ZCCHC14: variants seen among roughly 807,000 people sequenced by gnomAD.
ZCCHC14 encodes the protein zinc finger CCHC-type containing 14, also known as zinc finger CCHC domain-containing protein 14.
In ZCCHC14, 16 loss-of-function variants were observed where a neutral mutation model predicts 85.0. The observed-to-expected ratio is 0.19, with a 90% CI of 0.13 to 0.29. The LOEUF (loss-of-function observed/expected upper bound fraction) is 0.29. Ranked by LOEUF, ZCCHC14 falls within the 10% of genes least tolerant of loss-of-function variation. The pLI is 1.00. For missense variants in ZCCHC14, 1,303 were observed against 1,443.5 expected (o/e 0.90, Z 1.58); for synonymous variants, 775 against 630.7 (o/e 1.23, Z -3.43).
intron 2 of ZCCHC14, among the ~76,000 whole-genome samples, chr16:87,437,440 C>G (rs942205578): frequency 1.3e-5 from 2 of 151,710 alleles, no homozygotes; most frequent in Admixed American, 6.6e-5. Context: ...CCGCGCTGGC[C>G]AGAAAGCCTC....
At chr16:87,421,734 C>T (rs1888254218) in intron 4 of ZCCHC14, among the ~76,000 whole-genome samples, 1 of 152,150 alleles carries the variant, frequency 6.6e-6, no homozygotes, top group Non-Finnish European at 1.5e-5. Context: ...GCTGCCTTCA[C>T]TGGAGAGGCC....
Position 87,491,500 on chromosome 16 carries a change from C to T in ZCCHC14, c.570+169G>A, listed in dbSNP as rs543717606. Among the ~76,000 whole-genome samples the T allele has an allele frequency of 1.3e-5, 2 of 151,844 alleles. No homozygotes were observed. The highest frequency in any genetic ancestry group is 2.1e-4 in the South Asian group (1 of 4,786). ...TGCGACATAGAGGCTTAGGATGGGG[C>T]TTGGGATACGGGCTGGGGGCTCGTG... On this transcript the variant is annotated intron_variant, in intron 1 of 12. Transcript: ENST00000671377. The surrounding 1 kb of genome is among the most constrained non-coding windows in gnomAD (Gnocchi z 5.9).
At position 87,411,850 on chromosome 16, in the gene ZCCHC14, G is replaced by A. The variant is rs1219679130; in HGVS notation, c.2871C>T (p.Phe957=). 1.9e-6 allele frequency: 3 copies of A among 1,609,146 alleles called. No individual in the cohort carries two copies. Among genetic ancestry groups the A allele is most frequent in the Non-Finnish European group, 2.5e-6 (3 of 1,178,210 alleles). Residue 957 remains phenylalanine (F), a synonymous_variant, in exon 12 of 13, where the codon TTC becomes TTT. Coordinates refer to ENST00000671377, the MANE Select transcript of ZCCHC14 (RefSeq NM_015144.3). ...GACTGAAGGGCAAGAAGGGGAAGGT[G>A]AACACGGACGGACCGGAGAACGGGT... ...FQHPFSGPSV[F]TFPFLPFSPM... is the part of the protein sequence containing the mutation.
intron 2 of ZCCHC14, among the ~76,000 whole-genome samples, chr16:87,437,451 C>T (rs1304631996): frequency 1.3e-5 from 2 of 151,950 alleles, no homozygotes; most frequent in African/African-American, 2.4e-5. Context: ...AGAAAGCCTC[C>T]GTGAGGAAAG....
At chr16:87,476,846 G>T (rs1422504176) in intron 1 of ZCCHC14, among the ~76,000 whole-genome samples, 1 of 152,024 alleles carries the variant, frequency 6.6e-6, no homozygotes, top group Non-Finnish European at 1.5e-5. Flanking sequence ...TGAAGTGGTG[G>T]CCGGGCGCGG....
At chr16:87,433,486 G>A (rs1909763529) in intron 2 of ZCCHC14, among the ~76,000 whole-genome samples, 1 of 152,200 alleles carries the variant, frequency 6.6e-6, no homozygotes, top group Non-Finnish European at 1.5e-5. Flanking sequence ...TGGACCCAGT[G>A]AGAGCCCAGC....
intron 1 of ZCCHC14, among the ~76,000 whole-genome samples, chr16:87,477,127 A>AAAAAAAAT (rs1912045943): frequency 7.6e-6 from 1 of 132,286 alleles, no homozygotes; most frequent in African/African-American, 3.1e-5. Flanking sequence ...TCTCAAAAAA[A>AAAAAAAAT]AAAAAAAAAA....
In ZCCHC14 at chr16:87,407,472, A is replaced by G. The variant is rs2150716406; in HGVS notation, c.*2808T>C. Reference sequence around the variant, plus strand: ...CTGTCAGTATTACCATGAAATCAACATTAGAAAATAAGGTAGAAAACTGAG... The same window carrying G: ...CTGTCAGTATTACCATGAAATCAACGTTAGAAAATAAGGTAGAAAACTGAG... On this transcript the variant is annotated 3_prime_UTR_variant, in exon 13 of 13. Coordinates refer to ENST00000671377, the MANE Select transcript of ZCCHC14 (RefSeq NM_015144.3). 6.6e-6 allele frequency: 1 copy of G among 152,346 alleles called. No individual in the cohort carries two copies. Among genetic ancestry groups the G allele is most frequent in the East Asian group, 1.9e-4 (1 of 5,190 alleles). The allele number at this position is 152,346 out of a possible 1,614,324, so 9.4% of individuals were successfully genotyped here. A position where few individuals can be genotyped will look rare whatever the true frequency, so the allele number is the denominator to read the frequency against.
chr16:87,491,615 A>C lies in ZCCHC14; in HGVS notation c.570+54T>G. On this transcript the variant is annotated intron_variant, in intron 1 of 12. Transcript: ENST00000671377. This position sits in a 1 kb window ranked among gnomAD's most constrained non-coding sequence, Gnocchi z 5.9. The stretch of plus-strand genomic sequence containing the variant: ...GGTGCAGGCTGGAGGCTTGGAGTGC[A>C]GAGTTGGGGATGCAGACTTGGGGTA... The C allele has an allele frequency of 1.5e-6, 2 of 1,343,472 alleles. No homozygotes were observed. The highest frequency in any genetic ancestry group is 1.9e-6 in the Non-Finnish European group (2 of 1,048,322). 83.2% of individuals were successfully genotyped at this position (1,343,472 alleles called of 1,614,324 possible).
intron 2 of ZCCHC14, among the ~76,000 whole-genome samples, chr16:87,439,112 T>A (rs1597419946): frequency 6.6e-6 from 1 of 151,664 alleles, no homozygotes. Context: ...CCAAAAGGCC[T>A]GGGAGGACGA....
At position 87,411,505 on chromosome 16, in the gene ZCCHC14, C is replaced by A; in HGVS notation, c.3205+11G>T. On this transcript the variant is annotated intron_variant, in intron 12 of 12. Transcript: ENST00000671377. The stretch of plus-strand genomic sequence containing the variant: ...GGGAGCCTGGTGGGCGCGGCCATGG[C>A]GCGCGCTTACCTGGCCGGTTGAAGT... 6.2e-7 allele frequency: 1 copy of A among 1,613,054 alleles called. No individual in the cohort carries two copies. Among genetic ancestry groups the A allele is most frequent in the African/African-American group, 1.3e-5 (1 of 75,072 alleles).
At chr16:87,414,972 C>T (rs973548540) in intron 9 of ZCCHC14, among the ~76,000 whole-genome samples, 2 of 152,162 alleles carry the variant, frequency 1.3e-5, no homozygotes, top group Admixed American at 6.5e-5. Context: ...ATCCCAGGTA[C>T]TTGGGAGACT....
chr16:87,424,993 G>A (rs948787831), intron 3 of ZCCHC14, among the ~76,000 whole-genome samples: 2 of 152,068 alleles, frequency 1.3e-5, no homozygotes, highest in South Asian at 2.1e-4. Context: ...AACCACCTCT[G>A]CTCCCTCACC....
intron 2 of ZCCHC14, among the ~76,000 whole-genome samples, chr16:87,439,430 G>C (rs1293761486): frequency 6.6e-6 from 1 of 152,154 alleles, no homozygotes; most frequent in Non-Finnish European, 1.5e-5. Flanking sequence ...ACTGTGCCTG[G>C]CCACAAGTTC....
At chr16:87,428,961 G>A (rs947433626) in intron 3 of ZCCHC14, among the ~76,000 whole-genome samples, 1 of 152,228 alleles carries the variant, frequency 6.6e-6, no homozygotes, top group African/African-American at 2.4e-5. Flanking sequence ...GCCTGTGAAC[G>A]GGTGTCTTCG....
intron 1 of ZCCHC14, among the ~76,000 whole-genome samples, chr16:87,484,281 A>G (rs560816102): frequency 2.0e-5 from 3 of 152,332 alleles, no homozygotes; most frequent in African/African-American, 7.2e-5. Context: ...CTGTGGGAGA[A>G]GGGACTTTCC....
intron 2 of ZCCHC14, among the ~76,000 whole-genome samples, chr16:87,440,802 G>A (rs1164209375): frequency 2.0e-5 from 3 of 151,334 alleles, no homozygotes; most frequent in Non-Finnish European, 2.9e-5. Context: ...GTAGACACGG[G>A]GTTTCGCCAT....
intron 2 of ZCCHC14, among the ~76,000 whole-genome samples, chr16:87,440,073 C>T (rs1252078513): frequency 3.9e-5 from 6 of 152,210 alleles, no homozygotes; most frequent in African/African-American, 1.4e-4. Flanking sequence ...TTCTACGCAG[C>T]CAAGACTACA....
chr16:87,481,410 G>C (rs939646269), intron 1 of ZCCHC14, among the ~76,000 whole-genome samples: 2 of 151,824 alleles, frequency 1.3e-5, no homozygotes, highest in African/African-American at 2.4e-5. Context: ...CTGGTTTCCT[G>C]AAGACTATTC....
Sources: allele counts gnomAD v4.1 joint callset (sites outside exome capture counted in the v4.1 genomes callset), GRCh38; gene constraint gnomAD v4.1.1; non-coding constraint Gnocchi (gnomAD v3.1); transcripts MANE v1.5; gene names NCBI Gene and HGNC (gene_info 2026-07-23, HGNC 2026-07-21).